Variants in ANO3 observed in about 807,000 individuals in gnomAD.
ANO3 encodes the protein anoctamin-3.
A neutral mutation model predicts 144.8 loss-of-function variants in ANO3; 99 were observed. The ratio of observed to expected loss-of-function variants is 0.68; its 90% CI spans 0.58 to 0.81. ANO3 has a LOEUF of 0.81. Among genes scored for constraint, ANO3 ranks in the 30% least tolerant of loss-of-function variants. The probability of loss-of-function intolerance (pLI) is 0.00; values close to 1 mark genes in which losing one functional copy is unlikely to be tolerated. For missense variants in ANO3, 905 were observed against 1,202.2 expected, an observed-to-expected ratio of 0.75 and a Z score of 3.66; for synonymous variants, 414 against 392.6, an observed-to-expected ratio of 1.05 and a Z score of -0.64.
At chr11:26,418,729 G>GTC (rs60306274) in intron 1 of ANO3, among the ~76,000 whole-genome samples, 5,642 of 150,688 alleles carry the variant, frequency 0.037, 332 homozygotes, top group African/African-American at 0.13. Context: ...CACACACACT[G>GTC]TCTCTCTCTC....
In ANO3 at chr11:26,363,123, A is replaced by AT. The variant is rs553782577; in HGVS notation, c.46+30809dup. Among the ~76,000 whole-genome samples, 168 of 152,274 alleles carry AT rather than the reference A, an allele frequency of 1.1e-3. 1 individual carries two copies. Among genetic ancestry groups the AT allele is most frequent in the African/African-American group, 3.9e-3 (160 of 41,554 alleles). The stretch of plus-strand genomic sequence containing the variant: ...ATTTAAACTTGTGTCTATTTTACAG[A>AT]TTTTTTTAGTTCTTTTTTCATCCTT... On this transcript the variant is annotated intron_variant, in intron 1 of 26. Coordinates refer to ENST00000256737, the MANE Select transcript of ANO3 (RefSeq NM_031418.4).
chr11:26,423,249 A>G (rs1050961185), intron 1 of ANO3, among the ~76,000 whole-genome samples: 7 of 151,414 alleles, frequency 4.6e-5, no homozygotes, highest in African/African-American at 1.7e-4. Context: ...CACAGATACT[A>G]CTACCTGGAT....
At chr11:26,480,104 G>A (rs761852081) in intron 4 of ANO3, among the ~76,000 whole-genome samples, 6 of 152,208 alleles carry the variant, frequency 3.9e-5, no homozygotes, top group Non-Finnish European at 7.3e-5. Context: ...TGTAGAAGGA[G>A]TACAAGTCTG....
chr11:26,633,711 A>G (rs904520225), intron 18 of ANO3, among the ~76,000 whole-genome samples: 5 of 152,232 alleles, frequency 3.3e-5, no homozygotes, highest in African/African-American at 1.2e-4. Context: ...TCAAGTGTGA[A>G]CAGTAGATAT....
intron 1 of ANO3, chr11:26,287,566 C>G (rs998465824): frequency 6.6e-6 from 1 of 152,104 alleles, no homozygotes; most frequent in African/African-American, 2.4e-5. Flanking sequence ...ATGTTCATAA[C>G]AAAAATATAT....
chr11:26,340,385 T>C (rs1855325439), intron 1 of ANO3, among the ~76,000 whole-genome samples: 1 of 152,216 alleles, frequency 6.6e-6, no homozygotes, highest in Non-Finnish European at 1.5e-5. Flanking sequence ...ACCTGATATC[T>C]GGAGCAATTT....
intron 1 of ANO3, among the ~76,000 whole-genome samples, chr11:26,317,518 C>T (rs1429933254): frequency 8.5e-5 from 13 of 152,152 alleles, no homozygotes; most frequent in Admixed American, 8.5e-4. Flanking sequence ...AGCTCATCAT[C>T]ACTGGTCATT....
At chr11:26,252,888 T>C (rs1852966595) in intron 1 of ANO3, among the ~76,000 whole-genome samples, 1 of 152,200 alleles carries the variant, frequency 6.6e-6, no homozygotes, top group South Asian at 2.1e-4. Context: ...TCGAACCATC[T>C]ATCTGAGACA....
intron 12 of ANO3, among the ~76,000 whole-genome samples, chr11:26,551,769 A>G (rs1454566949): frequency 6.6e-6 from 1 of 151,978 alleles, no homozygotes; most frequent in Non-Finnish European, 1.5e-5. Flanking sequence ...ACAAATTACT[A>G]GTATTGACAT....
intron 17 of ANO3, among the ~76,000 whole-genome samples, chr11:26,605,899 T>C (rs1209145422): frequency 2.0e-5 from 3 of 152,146 alleles, no homozygotes; most frequent in African/African-American, 4.8e-5. Flanking sequence ...CCTGGATTCA[T>C]TCATTTTTTT....
chr11:26,575,197 A>C (rs1850954992), intron 14 of ANO3, among the ~76,000 whole-genome samples: 1 of 152,024 alleles, frequency 6.6e-6, no homozygotes, highest in African/African-American at 2.4e-5. Context: ...CCCTATTGAT[A>C]TCCTTAAGAA....
chr11:26,483,304 A>G (rs997748534), intron 4 of ANO3, among the ~76,000 whole-genome samples: 19 of 151,890 alleles, frequency 1.3e-4, no homozygotes, highest in Non-Finnish European at 2.2e-4. Context: ...TGTGGTTTTA[A>G]TTTGCATTTT....
chr11:26,451,929 G>A (rs1271756202), intron 3 of ANO3, among the ~76,000 whole-genome samples: 4 of 152,086 alleles, frequency 2.6e-5, no homozygotes, highest in South Asian at 4.1e-4. Context: ...CGCGGTTCAC[G>A]AAAAACCACT....
intron 4 of ANO3, among the ~76,000 whole-genome samples, chr11:26,476,445 C>A (rs1859973532): frequency 6.6e-6 from 1 of 151,870 alleles, no homozygotes. Flanking sequence ...TGGAAAGTAT[C>A]CAGATGTGTT....
chr11:26,395,288 G>A (rs1304740568), intron 1 of ANO3, among the ~76,000 whole-genome samples: 1 of 139,340 alleles, frequency 7.2e-6, no homozygotes, highest in Non-Finnish European at 1.5e-5. Context: ...GAAATTTCAA[G>A]TAGCTTTTTT....
intron 14 of ANO3, among the ~76,000 whole-genome samples, chr11:26,580,348 T>C (rs977181729): frequency 1.3e-5 from 2 of 152,204 alleles, no homozygotes; most frequent in East Asian, 1.9e-4. Context: ...TCAAAGTTTC[T>C]TTCAGCTTCA....
chr11:26,578,957 A>AT (rs1851061041), intron 14 of ANO3, among the ~76,000 whole-genome samples: 1 of 152,230 alleles, frequency 6.6e-6, no homozygotes, highest in Non-Finnish European at 1.5e-5. Context: ...GCGTACTGTT[A>AT]TAGCAGCTTT....
intron 1 of ANO3, among the ~76,000 whole-genome samples, chr11:26,251,757 C>T (rs74777206): frequency 6.6e-6 from 1 of 152,166 alleles, no homozygotes; most frequent in Non-Finnish European, 1.5e-5. Context: ...GCACATCACA[C>T]ATGGTGGCAG....
At chr11:26,546,820 A>C (rs1849801829) in intron 11 of ANO3, among the ~76,000 whole-genome samples, 1 of 152,006 alleles carries the variant, frequency 6.6e-6, no homozygotes, top group Admixed American at 6.6e-5. Context: ...TTACAATCGT[A>C]TAGGGAGGAA....
Sources: gnomAD v4.1 joint callset for allele counts (sites outside exome capture counted in the v4.1 genomes callset) on GRCh38, gnomAD v4.1.1 for gene constraint, MANE v1.5 for transcripts, NCBI Gene and HGNC (gene_info 2026-07-23, HGNC 2026-07-21) for gene names.